The following NAMPT variants were observed in gnomAD, a reference collection of about 807,000 sequenced individuals.
NAMPT encodes the protein NAmPRTase.
Under a neutral mutation model 58.7 loss-of-function variants are expected in NAMPT, and 7 were observed. The observed-to-expected ratio is 0.12, with a 90% confidence interval of 0.07 to 0.22. The LOEUF (loss-of-function observed/expected upper bound fraction) is 0.22, where lower values mean the gene tolerates loss of function less well. Ranked by LOEUF, NAMPT falls within the 10% of genes least tolerant of loss-of-function variation. The probability of loss-of-function intolerance (pLI) is 1.00; values close to 1 mark genes in which losing one functional copy is unlikely to be tolerated. For missense variants in NAMPT, 271 were observed against 567.9 expected (o/e 0.48, Z 5.31); for synonymous variants, 145 against 198.1 (o/e 0.73, Z 2.25).
chr7:106,270,565 C>T (rs897584750), intron 4 of NAMPT, among the ~76,000 whole-genome samples: 4 of 152,166 alleles, frequency 2.6e-5, no homozygotes, highest in Non-Finnish European at 5.9e-5. Context: ...TCTGTGCTGT[C>T]CTTATGATTC....
intron 6 of NAMPT, among the ~76,000 whole-genome samples, chr7:106,267,254 TAACC>T (rs145951751): frequency 0.012 from 1,777 of 152,314 alleles, 38 homozygotes; most frequent in African/African-American, 0.041. Context: ...TACGAGGAGT[TAACC>T]AACAGAGCAG....
chr7:106,278,210 C>A (rs1792689179), intron 1 of NAMPT, among the ~76,000 whole-genome samples: 1 of 151,580 alleles, frequency 6.6e-6, no homozygotes, highest in Non-Finnish European at 1.5e-5. Flanking sequence ...TAAAACTTGG[C>A]TCTATCCTCA....
Position 106,268,447 on chromosome 7 carries a change from T to C in NAMPT, c.743+17A>G, listed in dbSNP as rs200678544. ...TGAAAAAATTAGTAGTTTTAAAAAA[T>C]GAACAGAATTTTTTACCTGTGTTCT... On this transcript the variant is annotated intron_variant, in intron 6 of 10. Transcript: ENST00000222553. 8.2e-6 allele frequency: 13 copies of C among 1,589,718 alleles called. No individual in the cohort carries two copies. The East Asian group carries it at 1.6e-4, about 19-fold the overall frequency.
chr7:106,255,240 ATTTC>A (rs1442945756), intron 8 of NAMPT, among the ~76,000 whole-genome samples: 4 of 152,162 alleles, frequency 2.6e-5, no homozygotes, highest in African/African-American at 9.7e-5. Flanking sequence ...TGTCATTTGT[ATTTC>A]TTTCACCAAA....
intron 9 of NAMPT, 21 bp downstream of exon 9, chr7:106,254,343 A>G: frequency 6.2e-7 from 1 of 1,612,634 alleles, no homozygotes; most frequent in Non-Finnish European, 8.5e-7. Context: ...GTAACACAGA[A>G]GTAATTAAAA....
chr7:106,285,484 A>G, upstream of NAMPT: 1 of 930,706 alleles, frequency 1.1e-6, no homozygotes, highest in South Asian at 4.9e-5. Flanking sequence ...CCACCCGGCT[A>G]GGGGGCGAGG....
Position 106,263,272 on chromosome 7 carries a change from C to G in NAMPT, c.969+120G>C, listed in dbSNP as rs1792344454. 3 of 726,954 alleles carry G rather than the reference C, an allele frequency of 4.1e-6. No homozygotes were observed. In the South Asian group the frequency reaches 5.6e-5, roughly 14 times the overall value. The allele number at this position is 726,954 out of a possible 1,614,324, so 45.0% of individuals were successfully genotyped here. On this transcript the variant is annotated intron_variant, in intron 7 of 10. Transcript: ENST00000222553. ...CTATTACTCTCTCTGGGCTGCAACTCTAAAATAAAGGGGACTGGTCCACAC... is the reference window on the plus strand; with the variant it reads ...CTATTACTCTCTCTGGGCTGCAACTGTAAAATAAAGGGGACTGGTCCACAC...
At chr7:106,258,203 T>C (rs555479234) in intron 8 of NAMPT, among the ~76,000 whole-genome samples, 62 of 152,312 alleles carry the variant, frequency 4.1e-4, no homozygotes, top group South Asian at 8.3e-4. Context: ...AGAAACCTCA[T>C]CTCTGTTATT....
chr7:106,250,350 G>T lies in NAMPT; in HGVS notation c.*733C>A, dbSNP rs1404497701. The T allele has an allele frequency of 6.6e-6, 1 of 152,302 alleles. No individual in the cohort carries two copies. The highest frequency in any genetic ancestry group is 1.5e-5 in the Non-Finnish European group (1 of 67,904). The allele number at this position is 152,302 out of a possible 1,614,324, so 9.4% of individuals were successfully genotyped here. A position where few individuals can be genotyped will look rare whatever the true frequency, so the allele number is the denominator to read the frequency against. On this transcript the variant is annotated 3_prime_UTR_variant, in exon 11 of 11. Transcript: ENST00000222553. ...TCTGACATATAAAATTGCAGTACAG[G>T]CCTTTCAAATTTGGCATTTCACTGG... is the stretch of plus-strand genomic sequence containing the variant.
At chr7:106,263,358 G>T (rs1461147698) in intron 7 of NAMPT, 34 bp downstream of exon 7, 2 of 1,457,856 alleles carry the variant, frequency 1.4e-6, no homozygotes, top group Non-Finnish European at 1.9e-6. Flanking sequence ...CCTACAGAGG[G>T]ATTCTAATAA....
At chr7:106,279,821 A>T (rs1792726031) in intron 1 of NAMPT, among the ~76,000 whole-genome samples, 3 of 152,208 alleles carry the variant, frequency 2.0e-5, no homozygotes, top group Admixed American at 2.0e-4. Flanking sequence ...ATGATGGGCT[A>T]GAGGGGGCCA....
upstream of NAMPT, chr7:106,285,106 T>C: frequency 7.5e-7 from 1 of 1,340,632 alleles, no homozygotes; most frequent in East Asian, 2.9e-5. Context: ...GCTCGCAGTC[T>C]GGGAGCTCTG....
At chr7:106,251,486 T>C (rs144001051) in intron 10 of NAMPT, among the ~76,000 whole-genome samples, 28 of 152,156 alleles carry the variant, frequency 1.8e-4, no homozygotes, top group Admixed American at 7.2e-4. Context: ...AGCTGACCAA[T>C]CTTTTTTTTC....
At chr7:106,279,433 A>G (rs1477165139) in intron 1 of NAMPT, among the ~76,000 whole-genome samples, 6 of 139,452 alleles carry the variant, frequency 4.3e-5, no homozygotes, top group South Asian at 2.4e-4. Context: ...TTATAGGGGT[A>G]TATGTACATG....
At chr7:106,281,163 T>C (rs141092118) in intron 1 of NAMPT, among the ~76,000 whole-genome samples, 97 of 151,770 alleles carry the variant, frequency 6.4e-4, no homozygotes, top group African/African-American at 2.2e-3. Context: ...CAACCAACTG[T>C]AACAAAAAAT....
rs1562814579 is a variant in NAMPT at position 106,263,621 on chromosome 7, G to A, written c.744-4C>T. Reference sequence around the variant, plus strand: ...TTTCCCCCAAGCTGTTATGGTACTAGAAAAAAAAATGAAAACACAGATTTA... The same window carrying A: ...TTTCCCCCAAGCTGTTATGGTACTAAAAAAAAAAATGAAAACACAGATTTA... On this transcript the variant is annotated splice_region_variant and splice_polypyrimidine_tract_variant and intron_variant, in intron 6 of 10. Coordinates refer to ENST00000222553, the MANE Select transcript of NAMPT (RefSeq NM_005746.3). The A allele has an allele frequency of 7.6e-6, 12 of 1,588,960 alleles. No individual in the cohort carries two copies. The Admixed American group carries it at 8.8e-5, about 12-fold the overall frequency.
chr7:106,264,701 C>G (rs1459456111), intron 6 of NAMPT, among the ~76,000 whole-genome samples: 2 of 151,976 alleles, frequency 1.3e-5, no homozygotes, highest in Non-Finnish European at 2.9e-5. Context: ...TTTAATTATG[C>G]CAAGCAATTG....
At chr7:106,266,246 T>C (rs1792405454) in intron 6 of NAMPT, among the ~76,000 whole-genome samples, 1 of 152,208 alleles carries the variant, frequency 6.6e-6, no homozygotes, top group African/African-American at 2.4e-5. Flanking sequence ...ATGCAATCAA[T>C]ATGAGACCAT....
At position 106,272,522 on chromosome 7, in the gene NAMPT, C is replaced by T. The variant is rs759881268; in HGVS notation, c.447+8G>A. On this transcript the variant is annotated splice_region_variant and intron_variant, in intron 4 of 10. Transcript: ENST00000222553. ...TAATGTTAAATAAGAATTAAAAAAA[C>T]AATTTACCTCAATCCAATTTGTAAG... 9.4e-6 allele frequency: 15 copies of T among 1,600,220 alleles called. No homozygotes were observed. The highest frequency in any genetic ancestry group is 1.7e-4 in the Middle Eastern group (1 of 6,008).
Sources: allele counts gnomAD v4.1 joint callset (sites outside exome capture counted in the v4.1 genomes callset), GRCh38; gene constraint gnomAD v4.1.1; transcripts MANE v1.5; gene names NCBI Gene and HGNC (gene_info 2026-07-23, HGNC 2026-07-21).